The following IL22RA1 variants were observed in gnomAD, a reference collection of about 807,000 sequenced individuals.
IL22RA1 encodes the protein interleukin-22 receptor subunit alpha-1.
Under a neutral mutation model 32.8 loss-of-function variants are expected in IL22RA1, and 25 were observed. That is an observed-to-expected ratio of 0.76 (90% CI 0.55 to 1.06). IL22RA1 has a LOEUF of 1.06. Among genes scored for constraint, IL22RA1 ranks in the 50% least tolerant of loss-of-function variants. The pLI, the probability that IL22RA1 is intolerant of heterozygous loss-of-function variation, is 0.00. For missense variants in IL22RA1, 709 were observed against 727.4 expected, an observed-to-expected ratio of 0.97 and a Z score of 0.29; for synonymous variants, 305 against 305.0, an observed-to-expected ratio of 1.00 and a Z score of 0.00.
chr1:24,120,811 C>T lies in IL22RA1; in HGVS notation c.1719G>A (p.Glu573=). 3 of 1,597,560 alleles carry T rather than the reference C, an allele frequency of 1.9e-6. No individual in the cohort carries two copies. Among genetic ancestry groups the T allele is most frequent in the Non-Finnish European group, 2.6e-6 (3 of 1,170,958 alleles). The change falls in exon 7 of 7, where the codon GAG becomes GAA. Residue 573 remains glutamate, a synonymous_variant. Transcript: ENST00000270800. ...CAAGCCTTTCCCATTCCCCTCAGGACTCCCACTGCACAGTCAGGGCCAGGC... is the reference window on the plus strand; with the variant it reads ...CAAGCCTTTCCCATTCCCCTCAGGATTCCCACTGCACAGTCAGGGCCAGGC... ...FRGLALTVQW[E]S is the part of the protein sequence containing the mutation.
chr1:24,120,747 C>T lies in IL22RA1; in HGVS notation c.*58G>A. 1 of 1,477,260 alleles carries T rather than the reference C, an allele frequency of 6.8e-7. No individual in the cohort carries two copies. Among genetic ancestry groups the T allele is most frequent in the Non-Finnish European group, 9.2e-7 (1 of 1,091,724 alleles). 91.5% of individuals were successfully genotyped at this position (1,477,260 alleles called of 1,614,324 possible). On this transcript the variant is annotated 3_prime_UTR_variant, in exon 7 of 7. Transcript: ENST00000270800. The stretch of plus-strand genomic sequence containing the variant: ...GCGTGGGCAGGCATGGGATTGACAG[C>T]CAAGGATGTGACACTGGGTAGGGAC...
At chr1:24,141,520 T>C (rs897529467) in intron 1 of IL22RA1, among the ~76,000 whole-genome samples, 3 of 152,122 alleles carry the variant, frequency 2.0e-5, no homozygotes, top group African/African-American at 4.8e-5. Context: ...GGTGGGGGCA[T>C]GTTGCCAAGG....
intron 1 of IL22RA1, 53 bp from the exon 2 acceptor site, chr1:24,138,767 C>T: frequency 1.9e-6 from 3 of 1,595,070 alleles, no homozygotes; most frequent in African/African-American, 1.3e-5. Flanking sequence ...GTCACCCTGC[C>T]CATGTATGGG....
At chr1:24,132,548 G>T (rs1644213334) in intron 4 of IL22RA1, among the ~76,000 whole-genome samples, 1 of 151,712 alleles carries the variant, frequency 6.6e-6, no homozygotes, top group Non-Finnish European at 1.5e-5. Context: ...TAGCCAGGAT[G>T]GTCTGCATCT....
chr1:24,132,930 A>G (rs1226811830), intron 4 of IL22RA1, among the ~76,000 whole-genome samples: 5 of 151,772 alleles, frequency 3.3e-5, no homozygotes, highest in African/African-American at 1.2e-4. Flanking sequence ...TGGGCTAAAC[A>G]GAGCTGGATT....
intron 3 of IL22RA1, chr1:24,134,772 C>T (rs1644231432): frequency 1.2e-6 from 1 of 855,976 alleles, no homozygotes. Context: ...ATGACATCAA[C>T]TACACATCCT....
At position 24,121,615 on chromosome 1, in the gene IL22RA1, C is replaced by T. The variant is rs146621529; in HGVS notation, c.915G>A (p.Arg305=). ...LAQPVQYSQI[R]VSGPREPAGA... ...CTGCGGGCTCCCTGGGTCCAGACAC[C>T]CTGATCTGGGAGTACTGGACAGGCT... The change falls in exon 7 of 7, where the codon AGG becomes AGA. Residue 305 remains arginine (R), a synonymous_variant. Coordinates refer to ENST00000270800, the MANE Select transcript of IL22RA1 (RefSeq NM_021258.4). The T allele has an allele frequency of 1.7e-5, 27 of 1,612,954 alleles. No individual in the cohort carries two copies. In the African/African-American group the frequency reaches 2.8e-4, roughly 17 times the overall value.
intron 5 of IL22RA1, among the ~76,000 whole-genome samples, chr1:24,126,644 A>T (rs975298210): frequency 1.3e-5 from 2 of 152,206 alleles, no homozygotes; most frequent in Non-Finnish European, 2.9e-5. Flanking sequence ...GTTGGAACTG[A>T]AATCACTTAC....
chr1:24,141,917 C>T (rs1328022903), intron 1 of IL22RA1, among the ~76,000 whole-genome samples: 2 of 152,182 alleles, frequency 1.3e-5, no homozygotes, highest in Non-Finnish European at 2.9e-5. Context: ...ATTCCACATG[C>T]TCTGGAGTCA....
chr1:24,130,962 C>T (rs1644200121), intron 4 of IL22RA1, among the ~76,000 whole-genome samples: 1 of 152,198 alleles, frequency 6.6e-6, no homozygotes, highest in African/African-American at 2.4e-5. Flanking sequence ...ACTTTGGCCT[C>T]CCAAAGTGCT....
intron 5 of IL22RA1, among the ~76,000 whole-genome samples, chr1:24,125,290 T>C (rs1207257431): frequency 1.3e-5 from 2 of 152,120 alleles, no homozygotes. Flanking sequence ...CTGACCAAGG[T>C]CACACAGCTA....
rs534795997 is a variant in IL22RA1 at position 24,140,792 on chromosome 1, C to T, written c.44-2078G>A. On this transcript the variant is annotated intron_variant, in intron 1 of 6. Transcript: ENST00000270800. ...GAGCTCGGAGGCCCTGGCCGGCTGGCGTGGGAAATAAACAGGTGGGAAAAT... is the reference window on the plus strand; with the variant it reads ...GAGCTCGGAGGCCCTGGCCGGCTGGTGTGGGAAATAAACAGGTGGGAAAAT... 3.3e-5 allele frequency among the ~76,000 whole-genome samples: 5 copies of T among 152,338 alleles called. No homozygotes were observed. The East Asian group carries it at 5.8e-4, about 18-fold the overall frequency.
intron 1 of IL22RA1, among the ~76,000 whole-genome samples, chr1:24,139,877 C>A (rs1644268840): frequency 6.6e-6 from 1 of 152,148 alleles, no homozygotes; most frequent in Non-Finnish European, 1.5e-5. Flanking sequence ...GGTGTCCTCA[C>A]CCTTATTTTA....
At position 24,137,175 on chromosome 1, in the gene IL22RA1, C is replaced by T. The variant is rs143430940; in HGVS notation, c.311G>A (p.Arg104Gln). ...CCTGTCAGTCATCTTGGTGGCTGAC[C>T]GGCCTCCCGCACTGACAGCGGTGAC... ...ARVTAVSAGG[R>Q]SATKMTDRFS... is the part of the protein sequence containing the mutation. Residue 104 changes from arginine (R) to glutamine (Q), a missense_variant, in exon 3 of 7, where the codon CGG becomes CAG. Physicochemically the swap from Arg to Gln is conservative, Grantham distance 43 (BLOSUM62 1). Transcript: ENST00000270800. The T allele has an allele frequency of 3.9e-5, 63 of 1,613,980 alleles. 1 individual carries two copies. The East Asian group carries it at 4.9e-4, about 13-fold the overall frequency.
chr1:24,131,985 A>G lies in IL22RA1; in HGVS notation c.531+2226T>C, dbSNP rs552660631. ...ATATTTAATAAGACCCTAAATATTT[A>G]CCAAAAAATAGTTGTGATAAGGACT... On this transcript the variant is annotated intron_variant, in intron 4 of 6. Transcript: ENST00000270800. Among the ~76,000 whole-genome samples the G allele has an allele frequency of 2.6e-5, 4 of 152,326 alleles. No homozygotes were observed. In the East Asian group the frequency reaches 7.7e-4, roughly 29 times the overall value.
At chr1:24,121,889 A>C in intron 6 of IL22RA1, 152 bp from the exon 7 acceptor site, 1 of 499,180 alleles carries the variant, frequency 2.0e-6, no homozygotes, top group Non-Finnish European at 3.4e-6. Context: ...CTTCCCAGAG[A>C]CTCCTCTAGG....
At chr1:24,123,472 C>T in intron 5 of IL22RA1, 49 bp from the exon 6 acceptor site, 2 of 1,593,804 alleles carry the variant, frequency 1.3e-6, no homozygotes, top group Non-Finnish European at 1.7e-6. Flanking sequence ...TGGGCTCTGC[C>T]TGGGCCCGGT....
In IL22RA1 at chr1:24,137,364, C is replaced by T. The variant is rs41268137; in HGVS notation, c.177-55G>A. On this transcript the variant is annotated intron_variant, in intron 2 of 6. Transcript: ENST00000270800. ...TGGTGATGAAAAGGCCAGCGCTAGG[C>T]CTGTGGCTTATTAATAATGCCAAGG... The T allele has an allele frequency of 0.13, 205,506 of 1,532,916 alleles. 14,608 individuals carry two copies. Among genetic ancestry groups the T allele is most frequent in the Middle Eastern group, 0.21 (1,206 of 5,878 alleles). 95.0% of individuals were successfully genotyped at this position (1,532,916 alleles called of 1,614,324 possible).
At chr1:24,131,548 AATCT>A (rs542032310) in intron 4 of IL22RA1, among the ~76,000 whole-genome samples, 46 of 152,380 alleles carry the variant, frequency 3.0e-4, no homozygotes, top group African/African-American at 1.1e-3. Flanking sequence ...CAGAAGGTTC[AATCT>A]ATCAGGAAGA....
Sources: gnomAD v4.1 joint callset for allele counts (sites outside exome capture counted in the v4.1 genomes callset) on GRCh38, gnomAD v4.1.1 for gene constraint, MANE v1.5 for transcripts, NCBI Gene and HGNC (gene_info 2026-07-23, HGNC 2026-07-21) for gene names.